LHX8: variants seen among roughly 807,000 people sequenced by gnomAD.
LHX8 encodes LIM homeobox 8, also known as LIM/homeobox protein Lhx8.
In LHX8, 12 loss-of-function variants were observed where a neutral mutation model predicts 40.3. The observed-to-expected ratio is 0.30, with a 90% confidence interval of 0.19 to 0.48. The LOEUF is 0.48. LHX8 is among the 20% of genes least tolerant of loss of function. LHX8 has a pLI of 0.99. For missense variants in LHX8, 344 were observed against 433.7 expected, an observed-to-expected ratio of 0.79 and a Z score of 1.84; for synonymous variants, 179 against 162.0, an observed-to-expected ratio of 1.10 and a Z score of -0.80.
At chr1:75,181,212 T>C in the LHX8 span, among the ~76,000 whole-genome samples, 17,413 of 152,122 alleles carry the variant, frequency 0.11, 1,634 homozygotes, top group African/African-American at 0.25. Flanking sequence ...AGAGCTCAAA[T>C]ACCATGCTGG....
chr1:75,174,694 C>G, the LHX8 span, among the ~76,000 whole-genome samples: 1 of 152,172 alleles, frequency 6.6e-6, no homozygotes, highest in Non-Finnish European at 1.5e-5. Flanking sequence ...AAACACTCCC[C>G]CAGCCACCCC....
At chr1:75,159,484 T>C (rs928132034) in intron 8 of LHX8, 63 of 152,114 alleles carry the variant, frequency 4.1e-4, no homozygotes, top group African/African-American at 1.5e-3. Flanking sequence ...ACTAATGCTC[T>C]CTATATCTAA....
the LHX8 span, among the ~76,000 whole-genome samples, chr1:75,182,371 T>A: frequency 5.7e-3 from 107 of 18,932 alleles, no homozygotes; most frequent in Non-Finnish European, 8.4e-3. Flanking sequence ...CCTATTTCCT[T>A]TTTTTTTTTT....
downstream of LHX8, among the ~76,000 whole-genome samples, chr1:75,164,039 A>G (rs974662857): frequency 1.3e-5 from 2 of 152,194 alleles, no homozygotes; most frequent in African/African-American, 2.4e-5. Context: ...TTCATAAATT[A>G]CCCTGTCTGA....
At chr1:75,169,946 C>A in the LHX8 span, among the ~76,000 whole-genome samples, 3 of 152,218 alleles carry the variant, frequency 2.0e-5, no homozygotes, top group African/African-American at 7.2e-5. Flanking sequence ...TACCCTGGTT[C>A]CACTGTTGGA....
chr1:75,194,458 A>G, the LHX8 span, among the ~76,000 whole-genome samples: 1 of 152,196 alleles, frequency 6.6e-6, no homozygotes, highest in East Asian at 1.9e-4. Flanking sequence ...TGGAGATAAC[A>G]CACTTATTAG....
chr1:75,193,129 T>G, the LHX8 span, among the ~76,000 whole-genome samples: 4 of 152,198 alleles, frequency 2.6e-5, no homozygotes, highest in African/African-American at 9.6e-5. Flanking sequence ...GGCTCCTTCA[T>G]CTCTCTATGT....
At chr1:75,190,219 A>G in the LHX8 span, among the ~76,000 whole-genome samples, 1 of 152,042 alleles carries the variant, frequency 6.6e-6, no homozygotes, top group Admixed American at 6.6e-5. Context: ...GTGTAGACGG[A>G]CTCTTTAACA....
At position 75,148,865 on chromosome 1, in the gene LHX8, A is replaced by G. The variant is rs567025372; in HGVS notation, c.780+183A>G. ...CCACAGGTGATTAACTTAAAGGTCA[A>G]TCAAGAGAAACAAAAAGTTCTAATT... On this transcript the variant is annotated intron_variant, in intron 7 of 8. Coordinates refer to ENST00000356261, the MANE Select transcript of LHX8 (RefSeq NM_001256114.2). Among the ~76,000 whole-genome samples the G allele has an allele frequency of 3.3e-5, 5 of 152,298 alleles. No individual in the cohort carries two copies. The East Asian group carries it at 9.6e-4, about 29-fold the overall frequency.
In LHX8 at chr1:75,136,511, T is replaced by C. The variant is rs1648135717; in HGVS notation, c.-12-92T>C. Reference sequence around the variant, plus strand: ...CTGCCCCGCACTCTGAGGGCCTTCATTAGCTCGCTCCCCGCGCCGAGGCTG... The same window carrying C: ...CTGCCCCGCACTCTGAGGGCCTTCACTAGCTCGCTCCCCGCGCCGAGGCTG... On this transcript the variant is annotated intron_variant, in intron 1 of 8. Transcript: ENST00000356261. 3 of 983,112 alleles carry C rather than the reference T, an allele frequency of 3.1e-6. No homozygotes were observed. In the East Asian group the frequency reaches 7.9e-5, roughly 26 times the overall value. 60.9% of individuals were successfully genotyped at this position (983,112 alleles called of 1,614,324 possible).
chr1:75,173,374 C>CTTTTTTTTTTTTTTTTTTTTTTTTTTTT, the LHX8 span, among the ~76,000 whole-genome samples: 1 of 96,470 alleles, frequency 1.0e-5, no homozygotes, highest in African/African-American at 4.1e-5. Context: ...GATATATACT[C>CTTTTTTTTTTTTTTTTTTTTTTTTTTTT]TTTTTTTTTT....
Position 75,136,813 on chromosome 1 carries a change from G to C in LHX8, c.75+124G>C, listed in dbSNP as rs993668153. On this transcript the variant is annotated intron_variant, in intron 2 of 8. Coordinates refer to ENST00000356261, the MANE Select transcript of LHX8 (RefSeq NM_001256114.2). ...GCCCCTCCTGCAGCAGACAGAGGAC[G>C]GGGCGGAGAGGGTCTGGGTGGGGTG... The C allele has an allele frequency of 2.1e-5, 16 of 771,138 alleles. No homozygotes were observed. In the African/African-American group the frequency reaches 2.4e-4, roughly 12 times the overall value. The allele number at this position is 771,138 out of a possible 1,614,324, so 47.8% of individuals were successfully genotyped here.
intron 7 of LHX8, among the ~76,000 whole-genome samples, chr1:75,155,856 T>G (rs1452775450): frequency 6.6e-6 from 1 of 152,188 alleles, no homozygotes; most frequent in African/African-American, 2.4e-5. Context: ...CAAGAGAAAT[T>G]GAACTCAGCA....
intron 7 of LHX8, among the ~76,000 whole-genome samples, chr1:75,156,538 A>T (rs531803750): frequency 6.6e-6 from 1 of 152,142 alleles, no homozygotes; most frequent in African/African-American, 2.4e-5. Context: ...CACAGCACCC[A>T]GTCAAATCCA....
intron 7 of LHX8, among the ~76,000 whole-genome samples, chr1:75,155,395 T>C (rs375047757): frequency 2.4e-4 from 36 of 152,120 alleles, no homozygotes; most frequent in East Asian, 5.8e-4. Flanking sequence ...CCACCATGCC[T>C]GGCTAATTTT....
chr1:75,133,387 C>T (rs1648025345), upstream of LHX8, among the ~76,000 whole-genome samples: 1 of 152,140 alleles, frequency 6.6e-6, no homozygotes, highest in Non-Finnish European at 1.5e-5. Context: ...GATCATTTCG[C>T]TCTTTTTCTT....
At chr1:75,143,017 T>C (rs1648358636) in intron 4 of LHX8, 101 bp from the exon 5 acceptor site, 18 of 873,886 alleles carry the variant, frequency 2.1e-5, no homozygotes, top group Non-Finnish European at 3.2e-5. Context: ...AATACTTAGG[T>C]TATTTCAATG....
the LHX8 span, among the ~76,000 whole-genome samples, chr1:75,172,463 G>A: frequency 3.3e-5 from 5 of 152,174 alleles, no homozygotes; most frequent in Non-Finnish European, 7.4e-5. Context: ...AATGAGGAAA[G>A]ACTGACTGAA....
At chr1:75,193,136 A>C in the LHX8 span, among the ~76,000 whole-genome samples, 2 of 152,158 alleles carry the variant, frequency 1.3e-5, no homozygotes, top group African/African-American at 4.8e-5. Flanking sequence ...TCATCTCTCT[A>C]TGTGAAGTCA....
Sources: gnomAD v4.1 joint callset for allele counts (sites outside exome capture counted in the v4.1 genomes callset) on GRCh38, gnomAD v4.1.1 for gene constraint, MANE v1.5 for transcripts, NCBI Gene and HGNC (gene_info 2026-07-23, HGNC 2026-07-21) for gene names.